TTC7A: variants seen among roughly 807,000 people sequenced by gnomAD.
TTC7A encodes tetratricopeptide repeat protein 7A.
Under a neutral mutation model 103.7 loss-of-function variants are expected in TTC7A, and 110 were observed. That is an observed-to-expected ratio of 1.06 (90% CI 0.91 to 1.24). The LOEUF (loss-of-function observed/expected upper bound fraction) is 1.24, where lower values mean the gene tolerates loss of function less well. Among genes scored for constraint, TTC7A ranks in the 50% most tolerant of loss-of-function variants. TTC7A has a pLI of 0.00. For synonymous variants in TTC7A, 521 were observed against 467.9 expected (o/e 1.11, Z -1.47); for missense variants, 1,340 against 1,116.3 (o/e 1.20, Z -2.86).
intron 3 of TTC7A, among the ~76,000 whole-genome samples, chr2:46,966,241 G>A (rs1432627652): frequency 2.6e-5 from 4 of 152,018 alleles, no homozygotes; most frequent in African/African-American, 9.7e-5. Flanking sequence ...GAGCCACTGT[G>A]CTTGGCCTGC....
At chr2:46,968,224 AG>A (rs1427695432) in intron 3 of TTC7A, among the ~76,000 whole-genome samples, 1 of 152,218 alleles carries the variant, frequency 6.6e-6, no homozygotes, top group Non-Finnish European at 1.5e-5. Flanking sequence ...TTAATGAAAA[AG>A]CAAGTCCTCC....
At chr2:46,958,232 A>T (rs1049707318) in intron 3 of TTC7A, among the ~76,000 whole-genome samples, 2 of 152,080 alleles carry the variant, frequency 1.3e-5, no homozygotes, top group African/African-American at 4.8e-5. Context: ...TTGGGTCCAC[A>T]CCATGCCAGG....
chr2:47,042,675 AGTGTGT>A (rs10587096), intron 15 of TTC7A, among the ~76,000 whole-genome samples: 23 of 148,486 alleles, frequency 1.5e-4, no homozygotes, highest in Middle Eastern at 3.5e-3. Flanking sequence ...CTGAGCCCCA[AGTGTGT>A]GTGTGTGTGT....
intron 3 of TTC7A, among the ~76,000 whole-genome samples, chr2:46,966,681 A>T (rs372839104): frequency 1.4e-5 from 2 of 138,684 alleles, no homozygotes; most frequent in African/African-American, 2.7e-5. Flanking sequence ...TTTTTGGTGG[A>T]GATGGGGTCT....
intron 19 of TTC7A, chr2:47,068,299 G>A (rs1180247571): frequency 6.6e-6 from 1 of 152,230 alleles, no homozygotes; most frequent in Non-Finnish European, 1.5e-5. Flanking sequence ...GGTTCCTGGG[G>A]CCAGTGGCCT....
chr2:46,916,181 G>A, exon 1 of TTC7A: 2 of 984,372 alleles, frequency 2.0e-6, no homozygotes, highest in Non-Finnish European at 2.4e-6. Flanking sequence ...TCTTGGTTCA[G>A]GTCTCTTGGT....
chr2:46,975,351 G>A (rs1673772707), intron 4 of TTC7A, among the ~76,000 whole-genome samples: 1 of 152,142 alleles, frequency 6.6e-6, no homozygotes, highest in African/African-American at 2.4e-5. Flanking sequence ...TAATAGATGA[G>A]CTTTAGGAGA....
intron 3 of TTC7A, 64 bp downstream of exon 3, chr2:46,957,071 AG>A: frequency 6.3e-7 from 1 of 1,599,268 alleles, no homozygotes; most frequent in African/African-American, 1.3e-5. Context: ...TCTGACTCCC[AG>A]GGCCCTGCTG....
intron 2 of TTC7A, among the ~76,000 whole-genome samples, chr2:46,924,639 C>A (rs1480735836): frequency 6.8e-6 from 1 of 147,992 alleles, no homozygotes. Flanking sequence ...TTTTTTTTTT[C>A]CCCTGGAGAT....
chr2:47,070,145 C>A (rs1486186076), intron 19 of TTC7A, among the ~76,000 whole-genome samples: 2 of 152,238 alleles, frequency 1.3e-5, no homozygotes, highest in Non-Finnish European at 2.9e-5. Flanking sequence ...AGGCACTGAA[C>A]TTATGGGCTG....
At chr2:46,983,386 G>A (rs893621065) in intron 5 of TTC7A, among the ~76,000 whole-genome samples, 1 of 152,234 alleles carries the variant, frequency 6.6e-6, no homozygotes, top group Non-Finnish European at 1.5e-5. Context: ...CGGTGGCCTG[G>A]AGGGCTGGTT....
intron 19 of TTC7A, among the ~76,000 whole-genome samples, chr2:47,068,913 G>C (rs148833302): frequency 6.8e-6 from 1 of 146,260 alleles, no homozygotes; most frequent in East Asian, 2.0e-4. Flanking sequence ...CATGGAGAGA[G>C]AAGGTAATGC....
chr2:47,043,844 CT>C (rs1682025856), intron 15 of TTC7A, among the ~76,000 whole-genome samples: 1 of 152,214 alleles, frequency 6.6e-6, no homozygotes, highest in Non-Finnish European at 1.5e-5. Context: ...TTTGGTAGAA[CT>C]TACTGTGATG....
chr2:46,994,589 C>G lies in TTC7A; in HGVS notation c.1001+75C>G, dbSNP rs999957596. 1.2e-5 allele frequency: 17 copies of G among 1,474,264 alleles called. 1 individual carries two copies. In the Middle Eastern group the frequency reaches 5.2e-4, roughly 45 times the overall value. The allele number at this position is 1,474,264 out of a possible 1,614,324, so 91.3% of individuals were successfully genotyped here. On this transcript the variant is annotated intron_variant, in intron 7 of 19. Transcript: ENST00000319190. ...GGGTTCTGTCCCCACTGGTGGCTTC[C>G]TCTTTGCCCCATGCTCTCCTCCAGT...
chr2:47,064,096 G>A (rs943916264), intron 19 of TTC7A, among the ~76,000 whole-genome samples: 1 of 152,334 alleles, frequency 6.6e-6, no homozygotes, highest in South Asian at 2.1e-4. Flanking sequence ...TTCAGCTTAG[G>A]GTTTTCTACC....
At chr2:46,936,974 C>T (rs1670010761), upstream of TTC7A, among the ~76,000 whole-genome samples, 1 of 151,916 alleles carries the variant, frequency 6.6e-6, no homozygotes, top group South Asian at 2.1e-4. Flanking sequence ...CCCACCTCAG[C>T]CCCTCAAGTA....
rs1351338077 is a variant in TTC7A, at chr2:47,007,287, C to T, written c.1287+563C>T. ...GCTGCCCGGAGCAAGGAGCACCGGG[C>T]ATGAGTTCACTCTCTATCCACCCAG... On this transcript the variant is annotated intron_variant, in intron 10 of 19. Transcript: ENST00000319190. This position sits in a 1 kb window ranked among gnomAD's most constrained non-coding sequence, Gnocchi z 4.9. 1.3e-5 allele frequency among the ~76,000 whole-genome samples: 2 copies of T among 152,062 alleles called. No individual in the cohort carries two copies. The highest frequency in any genetic ancestry group is 2.4e-5 in the African/African-American group (1 of 41,390).
intron 11 of TTC7A, among the ~76,000 whole-genome samples, chr2:47,013,002 G>A (rs1432350257): frequency 1.3e-5 from 2 of 152,190 alleles, no homozygotes; most frequent in Non-Finnish European, 2.9e-5. Flanking sequence ...GTAGTTAAGA[G>A]TTTCACTGCC....
intron 17 of TTC7A, among the ~76,000 whole-genome samples, chr2:47,051,153 G>C (rs920327346): frequency 1.3e-5 from 2 of 152,204 alleles, no homozygotes; most frequent in African/African-American, 2.4e-5. Context: ...ATATGCACTT[G>C]TGAAAACAGA....
Sources: gnomAD v4.1 joint callset for allele counts (sites outside exome capture counted in the v4.1 genomes callset) on GRCh38, gnomAD v4.1.1 for gene constraint, Gnocchi (gnomAD v3.1) non-coding constraint, MANE v1.5 for transcripts, NCBI Gene and HGNC (gene_info 2026-07-23, HGNC 2026-07-21) for gene names.